Variants in RGL1 observed in about 807,000 individuals in gnomAD.
The protein encoded by RGL1 is ral guanine nucleotide dissociation stimulator-like 1.
In RGL1, 24 loss-of-function variants were observed where a neutral mutation model predicts 95.2. The observed-to-expected ratio is 0.25, with a 90% CI of 0.18 to 0.35. The LOEUF is 0.35. RGL1 is among the 10% of genes least tolerant of loss of function. The pLI is 1.00. For missense variants in RGL1, 715 were observed against 936.3 expected, an observed-to-expected ratio of 0.76 and a Z score of 3.08; for synonymous variants, 329 against 344.9, an observed-to-expected ratio of 0.95 and a Z score of 0.51.
chr1:183,657,862 C>T (rs565233291), intron 1 of RGL1, among the ~76,000 whole-genome samples: 1,950 of 152,020 alleles, frequency 0.013, 52 homozygotes, highest in African/African-American at 0.045. Context: ...TGAGGAATCG[C>T]CACACTGACT....
chr1:183,732,019 T>TAC (rs1219189498), intron 1 of RGL1, among the ~76,000 whole-genome samples: 13 of 152,212 alleles, frequency 8.5e-5, no homozygotes, highest in African/African-American at 3.1e-4. Flanking sequence ...CGTAAAACTT[T>TAC]AGGGACTTCT....
chr1:183,793,200 C>A (rs1572417508), intron 2 of RGL1, among the ~76,000 whole-genome samples: 1 of 152,220 alleles, frequency 6.6e-6, no homozygotes, highest in African/African-American at 2.4e-5. Flanking sequence ...AGGATACGCT[C>A]TTCAGTAATG....
chr1:183,703,128 C>T lies in RGL1; in HGVS notation c.-32-38998C>T, dbSNP rs533480765. Among the ~76,000 whole-genome samples, 24 of 152,198 alleles carry T rather than the reference C, an allele frequency of 1.6e-4. No homozygotes were observed. The South Asian group carries it at 4.8e-3, about 30-fold the overall frequency. On this transcript the variant is annotated intron_variant, in intron 1 of 18. Coordinates refer to the RGL1 transcript ENST00000304685. ...GCCTCAGAAGTGAGGAGTTATTCAC[C>T]ACCACCTCCCCCCGCCGGCTTCCAG...
intron 2 of RGL1, among the ~76,000 whole-genome samples, chr1:183,790,119 T>C (rs1660374328): frequency 6.6e-6 from 1 of 151,522 alleles, no homozygotes; most frequent in African/African-American, 2.4e-5. Flanking sequence ...AGAGGTGGGG[T>C]TTCACCATGT....
chr1:183,786,581 A>G (rs1469631285), intron 2 of RGL1, among the ~76,000 whole-genome samples: 1 of 152,194 alleles, frequency 6.6e-6, no homozygotes, highest in Non-Finnish European at 1.5e-5. Context: ...AAAAAGTTTC[A>G]GATTTTGTAG....
intron 3 of RGL1, among the ~76,000 whole-genome samples, chr1:183,857,312 A>T (rs568370200): frequency 2.0e-5 from 3 of 152,354 alleles, no homozygotes; most frequent in Middle Eastern, 3.4e-3. Context: ...AGAAAGGAAC[A>T]TAGCCCTGAC....
At position 183,724,748 on chromosome 1, in the gene RGL1, T is replaced by G. The variant is rs996680127; in HGVS notation, c.-32-17378T>G. On this transcript the variant is annotated intron_variant, in intron 1 of 18. Transcript: ENST00000304685. The surrounding 1 kb of genome is among the most constrained non-coding windows in gnomAD (Gnocchi z 4.1). ...CCTGGGGCCTGGGGGGAGCTTGCCA[T>G]CCTTAAGCGAAGGACATGAGCATGG... 6.6e-6 allele frequency among the ~76,000 whole-genome samples: 1 copy of G among 152,060 alleles called. No individual in the cohort carries two copies. Among genetic ancestry groups the G allele is most frequent in the Non-Finnish European group, 1.5e-5 (1 of 68,012 alleles).
At chr1:183,806,547 CATT>C (rs1661351528) in intron 2 of RGL1, 62 bp downstream of exon 2, 3 of 1,112,544 alleles carry the variant, frequency 2.7e-6, no homozygotes, top group South Asian at 2.7e-5. Context: ...CTGTGAATAT[CATT>C]ATTATTTAAC....
At chr1:183,895,372 C>G (rs1404095359) in intron 9 of RGL1, among the ~76,000 whole-genome samples, 1 of 152,012 alleles carries the variant, frequency 6.6e-6, no homozygotes, top group Non-Finnish European at 1.5e-5. Flanking sequence ...GAGACTTAAG[C>G]AAGCCATTTG....
At chr1:183,865,206 C>T (rs1665752771) in intron 3 of RGL1, among the ~76,000 whole-genome samples, 1 of 152,306 alleles carries the variant, frequency 6.6e-6, no homozygotes, top group Non-Finnish European at 1.5e-5. Context: ...TAGGCTGGCT[C>T]ACATGTGGAG....
At chr1:183,779,180 C>CTTCT (rs1378710648) in intron 2 of RGL1, among the ~76,000 whole-genome samples, 6 of 137,264 alleles carry the variant, frequency 4.4e-5, no homozygotes, top group African/African-American at 1.4e-4. Context: ...TCCTTCCTTC[C>CTTCT]TTCCTTCCTT....
chr1:183,729,514 C>T (rs1045484131), intron 1 of RGL1, among the ~76,000 whole-genome samples: 4 of 152,126 alleles, frequency 2.6e-5, no homozygotes, highest in African/African-American at 4.8e-5. Context: ...TTCCTGCATA[C>T]ACCGCTTATG....
intron 1 of RGL1, among the ~76,000 whole-genome samples, chr1:183,696,461 C>T (rs1293552565): frequency 6.6e-6 from 1 of 152,120 alleles, no homozygotes; most frequent in Non-Finnish European, 1.5e-5. Flanking sequence ...CAATGGGTGC[C>T]TTAGGGCTTT....
chr1:183,832,457 T>C (rs145659070), intron 2 of RGL1, among the ~76,000 whole-genome samples: 188 of 152,318 alleles, frequency 1.2e-3, no homozygotes, highest in Non-Finnish European at 2.0e-3. Flanking sequence ...GGAGTTAATA[T>C]AATATTTGTG....
chr1:183,640,104 TG>T (rs1649824443), intron 1 of RGL1, among the ~76,000 whole-genome samples: 1 of 152,180 alleles, frequency 6.6e-6, no homozygotes, highest in Non-Finnish European at 1.5e-5. Flanking sequence ...CCCGAAGTGC[TG>T]GGATTACAGG....
At chr1:183,818,875 A>C (rs1662262427) in intron 2 of RGL1, among the ~76,000 whole-genome samples, 1 of 152,228 alleles carries the variant, frequency 6.6e-6, no homozygotes, top group Non-Finnish European at 1.5e-5. Context: ...AACTACTGAT[A>C]ACAATAAAAA....
At chr1:183,696,216 CTCCAAGGCT>C (rs1654244409) in intron 1 of RGL1, among the ~76,000 whole-genome samples, 7 of 152,292 alleles carry the variant, frequency 4.6e-5, no homozygotes, top group African/African-American at 1.7e-4. Context: ...TCCACTTACT[CTCCAAGGCT>C]CGCGCTCTCC....
At chr1:183,858,625 G>T (rs1418865174) in intron 3 of RGL1, among the ~76,000 whole-genome samples, 2 of 152,156 alleles carry the variant, frequency 1.3e-5, no homozygotes, top group Non-Finnish European at 2.9e-5. Flanking sequence ...AAAAGGGGAA[G>T]ATACTGGTGG....
intron 1 of RGL1, among the ~76,000 whole-genome samples, chr1:183,691,779 T>C (rs964553492): frequency 1.1e-4 from 17 of 152,182 alleles, no homozygotes; most frequent in Admixed American, 1.0e-3. Flanking sequence ...TGGAAACTTG[T>C]GCATTTTTGA....
Sources: gnomAD v4.1 joint callset for allele counts (sites outside exome capture counted in the v4.1 genomes callset) on GRCh38, gnomAD v4.1.1 for gene constraint, Gnocchi (gnomAD v3.1) non-coding constraint, MANE v1.5 for transcripts, NCBI Gene and HGNC (gene_info 2026-07-23, HGNC 2026-07-21) for gene names.